The following DPP10 variants were observed in gnomAD, a reference collection of about 807,000 sequenced individuals.
DPP10 encodes the protein dipeptidyl peptidase like 10, also known as inactive dipeptidyl peptidase 10.
In DPP10, 33 loss-of-function variants were observed where a neutral mutation model predicts 120.9. The observed-to-expected ratio is 0.27, with a 90% CI of 0.21 to 0.37. The LOEUF is 0.37. Among genes scored for constraint, DPP10 ranks in the 10% least tolerant of loss-of-function variants. DPP10 has a pLI of 1.00. For missense variants in DPP10, 816 were observed against 942.8 expected (o/e 0.87, Z 1.76); for synonymous variants, 337 against 326.1 (o/e 1.03, Z -0.36).
intron 3 of DPP10, among the ~76,000 whole-genome samples, chr2:115,446,929 C>G (rs2104927061): frequency 6.6e-6 from 1 of 152,212 alleles, no homozygotes; most frequent in Admixed American, 6.5e-5. Context: ...AGAAAGGGAG[C>G]TGGAACTTAA....
chr2:115,821,985 T>G (rs979390441), intron 21 of DPP10, among the ~76,000 whole-genome samples: 1 of 152,044 alleles, frequency 6.6e-6, no homozygotes, highest in Non-Finnish European at 1.5e-5. Context: ...ATTTTATGTT[T>G]TAGGAACCAT....
intron 1 of DPP10, among the ~76,000 whole-genome samples, chr2:114,868,282 T>C (rs928520413): frequency 6.6e-6 from 1 of 152,232 alleles, no homozygotes; most frequent in Non-Finnish European, 1.5e-5. Flanking sequence ...AGTACTCCCA[T>C]GTTCTAGTAC....
chr2:115,534,217 G>A (rs1229059236), intron 5 of DPP10, among the ~76,000 whole-genome samples: 3 of 151,784 alleles, frequency 2.0e-5, no homozygotes, highest in Admixed American at 6.6e-5. Context: ...CCACTAACTC[G>A]TCATCTAGCA....
intron 5 of DPP10, among the ~76,000 whole-genome samples, chr2:115,534,790 T>A (rs1171096452): frequency 6.6e-6 from 1 of 151,332 alleles, no homozygotes; most frequent in Non-Finnish European, 1.5e-5. Context: ...CTGACTTTTT[T>A]AATGATTGCC....
intron 1 of DPP10, among the ~76,000 whole-genome samples, chr2:115,138,850 G>A (rs146687475): frequency 6.6e-6 from 1 of 152,110 alleles, no homozygotes; most frequent in East Asian, 1.9e-4. Flanking sequence ...CCATGACTTA[G>A]TTGCATTACA....
intron 1 of DPP10, among the ~76,000 whole-genome samples, chr2:114,592,987 T>G (rs932315188): frequency 1.3e-5 from 2 of 152,196 alleles, no homozygotes; most frequent in Non-Finnish European, 2.9e-5. Flanking sequence ...ATTTGTGTTC[T>G]ACAACCTATA....
At chr2:114,811,629 C>T (rs1273915695) in intron 1 of DPP10, among the ~76,000 whole-genome samples, 1 of 151,792 alleles carries the variant, frequency 6.6e-6, no homozygotes, top group Non-Finnish European at 1.5e-5. Context: ...TCCCACCACC[C>T]TCACCCCTCA....
At chr2:115,706,908 A>G (rs1376379871) in intron 7 of DPP10, among the ~76,000 whole-genome samples, 1 of 151,988 alleles carries the variant, frequency 6.6e-6, no homozygotes, top group African/African-American at 2.4e-5. Flanking sequence ...AAATAACTTC[A>G]GACATCTTTC....
chr2:114,566,366 A>C (rs1228071134), intron 1 of DPP10, among the ~76,000 whole-genome samples: 1 of 152,200 alleles, frequency 6.6e-6, no homozygotes, highest in Admixed American at 6.5e-5. Flanking sequence ...TAAAAAAATA[A>C]ATTTGTATGT....
At chr2:114,727,453 G>C (rs1676442412) in intron 1 of DPP10, among the ~76,000 whole-genome samples, 1 of 152,178 alleles carries the variant, frequency 6.6e-6, no homozygotes, top group African/African-American at 2.4e-5. Context: ...TGTCATGTAT[G>C]ATCCAGCAGG....
intron 1 of DPP10, among the ~76,000 whole-genome samples, chr2:114,998,642 T>A (rs1701246663): frequency 2.0e-5 from 3 of 152,234 alleles, no homozygotes; most frequent in African/African-American, 7.2e-5. Flanking sequence ...TTACTCTAAC[T>A]GAGTAATTTG....
chr2:115,051,570 G>A lies in DPP10; in HGVS notation c.61-257669G>A, dbSNP rs1287821223. Among the ~76,000 whole-genome samples, 7 of 152,050 alleles carry A rather than the reference G, an allele frequency of 4.6e-5. No homozygotes were observed. In the East Asian group the frequency reaches 1.2e-3, roughly 25 times the overall value. ...TAGTAAATAAATAGGCATTATAAAA[G>A]TATTATGTAAAAGTCATTATAAATG... On this transcript the variant is annotated intron_variant, in intron 1 of 25. Coordinates refer to ENST00000410059, the MANE Select transcript of DPP10 (RefSeq NM_020868.6).
chr2:114,534,706 C>CTTT (rs36111101), intron 1 of DPP10, among the ~76,000 whole-genome samples: 4 of 148,840 alleles, frequency 2.7e-5, no homozygotes, highest in African/African-American at 4.9e-5. Context: ...TTGCTTTTTA[C>CTTT]TTTTTTTTTT....
intron 1 of DPP10, among the ~76,000 whole-genome samples, chr2:114,586,087 T>G (rs116312970): frequency 0.01 from 1,574 of 152,112 alleles, 24 homozygotes; most frequent in African/African-American, 0.036. Context: ...ATCTCTATAA[T>G]AAATACAAAA....
intron 1 of DPP10, among the ~76,000 whole-genome samples, chr2:114,982,775 A>AT (rs112053500): frequency 0.02 from 2,815 of 139,588 alleles, 80 homozygotes; most frequent in African/African-American, 0.068. Context: ...TAATTTTTGC[A>AT]TTTTTTTTTT....
At chr2:115,255,217 A>G (rs2058931241) in intron 1 of DPP10, among the ~76,000 whole-genome samples, 1 of 152,138 alleles carries the variant, frequency 6.6e-6, no homozygotes, top group Non-Finnish European at 1.5e-5. Context: ...CAGGCTCAAC[A>G]CCATGTGGAA....
chr2:115,187,378 C>A (rs1246187820), intron 1 of DPP10, among the ~76,000 whole-genome samples: 1 of 152,100 alleles, frequency 6.6e-6, no homozygotes, highest in Non-Finnish European at 1.5e-5. Context: ...ACAAATCCAG[C>A]TATGGAGAAG....
chr2:114,925,328 C>A (rs796865670), intron 1 of DPP10, among the ~76,000 whole-genome samples: 3 of 151,936 alleles, frequency 2.0e-5, no homozygotes, highest in African/African-American at 7.2e-5. Flanking sequence ...TGGTCAGGAA[C>A]CAAACTTTAA....
At chr2:115,621,592 G>A (rs1294219398) in intron 5 of DPP10, among the ~76,000 whole-genome samples, 3 of 152,196 alleles carry the variant, frequency 2.0e-5, no homozygotes, top group South Asian at 4.2e-4. Flanking sequence ...TAACTCCGAG[G>A]TGTATTTTCA....
Sources: gnomAD v4.1 joint callset for allele counts (sites outside exome capture counted in the v4.1 genomes callset) on GRCh38, gnomAD v4.1.1 for gene constraint, MANE v1.5 for transcripts, NCBI Gene and HGNC (gene_info 2026-07-23, HGNC 2026-07-21) for gene names.